Variants in DGKE observed in about 807,000 individuals in gnomAD.
DGKE encodes DAG kinase epsilon.
DGKE carries 53 observed loss-of-function variants against 70.0 expected under a neutral mutation model. That is an observed-to-expected ratio of 0.76 (90% CI 0.61 to 0.95). The LOEUF is 0.95. Ranked by LOEUF, DGKE falls within the 40% of genes least tolerant of loss-of-function variation. The pLI, the probability that DGKE is intolerant of heterozygous loss-of-function variation, is 0.00. For missense variants in DGKE, 655 were observed against 706.9 expected, an observed-to-expected ratio of 0.93 and a Z score of 0.83; for synonymous variants, 291 against 257.0, an observed-to-expected ratio of 1.13 and a Z score of -1.27.
At chr17:56,850,919 G>T (rs1907608896) in intron 7 of DGKE, among the ~76,000 whole-genome samples, 1 of 152,200 alleles carries the variant, frequency 6.6e-6, no homozygotes, top group African/African-American at 2.4e-5. Flanking sequence ...GGTGTGCTTA[G>T]TTCTGCCCTA....
At chr17:56,834,661 C>T (rs1906447802) in intron 1 of DGKE, 117 bp from the exon 2 acceptor site, 16 of 973,116 alleles carry the variant, frequency 1.6e-5, no homozygotes, top group Admixed American at 2.3e-5. Context: ...CAGTCCCGCC[C>T]TCGGGAGAGC....
rs1168425501 is a variant in DGKE, at chr17:56,868,551, T to G, written c.*5760T>G. Reference sequence around the variant, plus strand: ...TAACTACCACTTAATTATCTTGTGTTAATTGCTTTTGTTGTGTTGGGTCTG... The same window carrying G: ...TAACTACCACTTAATTATCTTGTGTGAATTGCTTTTGTTGTGTTGGGTCTG... On this transcript the variant is annotated 3_prime_UTR_variant, in exon 12 of 12. Coordinates refer to ENST00000284061, the MANE Select transcript of DGKE (RefSeq NM_003647.3). The G allele has an allele frequency of 6.6e-6, 1 of 152,270 alleles. No homozygotes were observed. Among genetic ancestry groups the G allele is most frequent in the Non-Finnish European group, 1.5e-5 (1 of 68,050 alleles). The allele number at this position is 152,270 out of a possible 1,614,324, so 9.4% of individuals were successfully genotyped here. A position where few individuals can be genotyped will look rare whatever the true frequency, so the allele number is the denominator to read the frequency against.
Position 56,834,865 on chromosome 17 carries a change from T to G in DGKE, c.70T>G (p.Leu24Val). 1 of 1,612,954 alleles carries G rather than the reference T, an allele frequency of 6.2e-7. No homozygotes were observed. Among genetic ancestry groups the G allele is most frequent in the Non-Finnish European group, 8.5e-7 (1 of 1,179,626 alleles). The part of the protein sequence containing the change: ...EGLFADGHLI[L>V]WTLCSVLLPV... ...CCTGTTTGCGGACGGGCACCTGATC[T>G]TGTGGACGCTGTGCTCGGTCCTGCT... is the stretch of plus-strand genomic sequence containing the variant. Residue 24 changes from leucine (L) to valine (V), a missense_variant, in exon 2 of 12, where the codon TTG becomes GTG. Transcript: ENST00000284061.
At position 56,835,266 on chromosome 17, in the gene DGKE, T is replaced by C; in HGVS notation, c.464+7T>C. 6.2e-7 allele frequency: 1 copy of C among 1,601,260 alleles called. No homozygotes were observed. Among genetic ancestry groups the C allele is most frequent in the African/African-American group, 1.3e-5 (1 of 74,864 alleles). ...CCAAGCTTTGCGATTACAGGTATGG[T>C]CTTCGTGGACACTCACTGTCCCAGA... On this transcript the variant is annotated splice_region_variant and intron_variant, in intron 2 of 11. Transcript: ENST00000284061.
intron 2 of DGKE, among the ~76,000 whole-genome samples, chr17:56,840,379 TG>T (rs1364763286): frequency 2.0e-5 from 3 of 150,484 alleles, no homozygotes; most frequent in African/African-American, 7.3e-5. Context: ...TTGTTGTTGT[TG>T]TTGTTGTTGT....
rs769066852 is a variant in DGKE, at chr17:56,847,918, C to T, written c.745-4C>T. 2 of 1,538,930 alleles carry T rather than the reference C, an allele frequency of 1.3e-6. No individual in the cohort carries two copies. Among genetic ancestry groups the T allele is most frequent in the Admixed American group, 2.2e-5 (1 of 46,448 alleles). ...AATAATTTGTCTTTTTCTTTTGTTTCTAGGTTTTTGATGTAACTAAAACTC... is the reference window on the plus strand; with the variant it reads ...AATAATTTGTCTTTTTCTTTTGTTTTTAGGTTTTTGATGTAACTAAAACTC... On this transcript the variant is annotated splice_region_variant and splice_polypyrimidine_tract_variant and intron_variant, in intron 4 of 11. Coordinates refer to ENST00000284061, the MANE Select transcript of DGKE (RefSeq NM_003647.3).
chr17:56,857,137 ACT>A (rs1477486443), intron 8 of DGKE, among the ~76,000 whole-genome samples: 1 of 152,118 alleles, frequency 6.6e-6, no homozygotes, highest in African/African-American at 2.4e-5. Flanking sequence ...GTATTATATA[ACT>A]CTAACAAATT....
intron 2 of DGKE, chr17:56,836,213 A>T (rs201707471): frequency 6.6e-6 from 1 of 151,832 alleles, no homozygotes; most frequent in Non-Finnish European, 1.5e-5. Flanking sequence ...AATTTTTTTA[A>T]TTTTTTTTGC....
chr17:56,849,309 A>G, intron 7 of DGKE, 77 bp downstream of exon 7: 2 of 1,332,402 alleles, frequency 1.5e-6, no homozygotes, highest in Non-Finnish European at 2.1e-6. Flanking sequence ...TGGGATACAG[A>G]GACCTGGTGC....
At chr17:56,838,693 A>G (rs930429028) in intron 2 of DGKE, 2 of 148,370 alleles carry the variant, frequency 1.3e-5, no homozygotes, top group Admixed American at 6.7e-5. Flanking sequence ...TTTTTTTTCT[A>G]TAAATACTAC....
chr17:56,841,440 A>G (rs1906975950), intron 2 of DGKE, among the ~76,000 whole-genome samples: 1 of 152,178 alleles, frequency 6.6e-6, no homozygotes, highest in Non-Finnish European at 1.5e-5. Flanking sequence ...AATTACATGC[A>G]ATTATTAAAA....
intron 4 of DGKE, among the ~76,000 whole-genome samples, chr17:56,847,155 C>G (rs910496234): frequency 1.3e-5 from 2 of 151,910 alleles, no homozygotes; most frequent in African/African-American, 2.4e-5. Flanking sequence ...ATCAAAGTTA[C>G]TTGCATTTTT....
At chr17:56,841,670 A>G (rs562134061) in intron 2 of DGKE, among the ~76,000 whole-genome samples, 19 of 152,360 alleles carry the variant, frequency 1.2e-4, no homozygotes, top group African/African-American at 3.6e-4. Flanking sequence ...AACATCCAGA[A>G]CCTTGGGAAA....
At chr17:56,856,407 G>A in intron 7 of DGKE, 105 bp from the exon 8 acceptor site, 1 of 1,235,050 alleles carries the variant, frequency 8.1e-7, no homozygotes, top group East Asian at 2.6e-5. Context: ...AATGCAGAAA[G>A]CATCTCCATT....
intron 7 of DGKE, among the ~76,000 whole-genome samples, chr17:56,852,475 C>T (rs1449484520): frequency 6.6e-6 from 1 of 151,488 alleles, no homozygotes; most frequent in African/African-American, 2.4e-5. Flanking sequence ...GAGATAAATA[C>T]CAGAAGAAAC....
Position 56,866,477 on chromosome 17 carries a change from C to G in DGKE, c.*3686C>G, listed in dbSNP as rs1908528516. 1 of 152,212 alleles carries G rather than the reference C, an allele frequency of 6.6e-6. No homozygotes were observed. Among genetic ancestry groups the G allele is most frequent in the Non-Finnish European group, 1.5e-5 (1 of 68,022 alleles). 9.4% of individuals were successfully genotyped at this position (152,212 alleles called of 1,614,324 possible). A position where few individuals can be genotyped will look rare whatever the true frequency, so the allele number is the denominator to read the frequency against. ...CGAAAAATTGAATTAATTGTATGTT[C>G]TTAAAATTGTTTTTCTTCTACTCCG... On this transcript the variant is annotated 3_prime_UTR_variant, in exon 12 of 12. Coordinates refer to ENST00000284061, the MANE Select transcript of DGKE (RefSeq NM_003647.3).
chr17:56,856,541 T>C lies in DGKE; in HGVS notation c.1128T>C (p.Val376=), dbSNP rs1222434113. ...KEFTMNNYFS[V]GPDALMALNF... Reference sequence around the variant, plus strand: ...TCACAATGAACAACTATTTTTCTGTTGGACCTGATGCTCTCATGGCTCTCA... The same window carrying C: ...TCACAATGAACAACTATTTTTCTGTCGGACCTGATGCTCTCATGGCTCTCA... The change falls in exon 8 of 12, where the codon GTT becomes GTC. Residue 376 remains valine, a synonymous_variant. Coordinates refer to ENST00000284061, the MANE Select transcript of DGKE (RefSeq NM_003647.3). 5 of 1,613,642 alleles carry C rather than the reference T, an allele frequency of 3.1e-6. No homozygotes were observed. Among genetic ancestry groups the C allele is most frequent in the African/African-American group, 2.7e-5 (2 of 74,932 alleles).
intron 2 of DGKE, among the ~76,000 whole-genome samples, chr17:56,839,800 C>T (rs764454906): frequency 2.4e-4 from 37 of 152,122 alleles, no homozygotes; most frequent in African/African-American, 8.7e-4. Flanking sequence ...GGATTGCAGG[C>T]GTAAGCCACC....
intron 11 of DGKE, 166 bp from the exon 12 acceptor site, chr17:56,862,446 A>C (rs538352533): frequency 1.1e-6 from 1 of 890,196 alleles, no homozygotes; most frequent in East Asian, 2.7e-5. Context: ...TAAAACGTTC[A>C]CTTGAAAAAA....
Sources: allele counts gnomAD v4.1 joint callset (sites outside exome capture counted in the v4.1 genomes callset), GRCh38; gene constraint gnomAD v4.1.1; transcripts MANE v1.5; gene names NCBI Gene and HGNC (gene_info 2026-07-23, HGNC 2026-07-21).